The following SRRM4 variants were observed in gnomAD, a reference collection of about 807,000 sequenced individuals.
The protein encoded by SRRM4 is serine/arginine repetitive matrix 4.
In SRRM4, 33 loss-of-function variants were observed where a neutral mutation model predicts 68.9. The observed-to-expected ratio is 0.48, with a 90% CI of 0.36 to 0.64. SRRM4 has a LOEUF of 0.64. Ranked by LOEUF, SRRM4 falls within the 30% of genes least tolerant of loss-of-function variation. The pLI is 0.00. For synonymous variants in SRRM4, 318 were observed against 318.8 expected, an observed-to-expected ratio of 1.00 and a Z score of 0.03; for missense variants, 817 against 827.1, an observed-to-expected ratio of 0.99 and a Z score of 0.15.
In SRRM4 at chr12:119,003,768, C is replaced by T. The variant is rs139811258; in HGVS notation, c.131+21755C>T. ...ATGTATCTCCTCCACCTTCATATCT[C>T]AGTGAATGCTTTAGACCTCTTATCT... On this transcript the variant is annotated intron_variant, in intron 1 of 12. Coordinates refer to ENST00000267260, the MANE Select transcript of SRRM4 (RefSeq NM_194286.4). Among the ~76,000 whole-genome samples the T allele has an allele frequency of 4.1e-3, 617 of 152,124 alleles. 5 individuals carry two copies. Among genetic ancestry groups the T allele is most frequent in the African/African-American group, 0.014 (580 of 41,570 alleles).
chr12:119,125,920 CAAAACAAAAACA>C (rs574797846), intron 7 of SRRM4, among the ~76,000 whole-genome samples: 5 of 146,544 alleles, frequency 3.4e-5, no homozygotes, highest in African/African-American at 7.6e-5. Context: ...GACTCCATCT[CAAAACAAAAACA>C]AAAACAAAAA....
rs1412539558 is a variant in SRRM4 at position 118,981,603 on chromosome 12, C to A, written c.-280C>A. The A allele has an allele frequency of 1.3e-5, 5 of 381,942 alleles. No individual in the cohort carries two copies. The highest frequency in any genetic ancestry group is 4.3e-5 in the Admixed American group (1 of 23,464). The allele number at this position is 381,942 out of a possible 1,614,324, so 23.7% of individuals were successfully genotyped here. On this transcript the variant is annotated 5_prime_UTR_variant, in exon 1 of 13. Coordinates refer to ENST00000267260, the MANE Select transcript of SRRM4 (RefSeq NM_194286.4). ...TCCTGGTGCTGCCCAGAAAGCCAGC[C>A]CTCCCTTCCCTTCTTGGGGCGCAGA... is the stretch of plus-strand genomic sequence containing the variant.
intron 1 of SRRM4, among the ~76,000 whole-genome samples, chr12:119,030,153 A>G (rs967190626): frequency 3.3e-5 from 5 of 152,334 alleles, no homozygotes; most frequent in East Asian, 3.9e-4. Context: ...TTCTTTCAGC[A>G]CACATGTTTT....
Position 118,981,602 on chromosome 12 carries a change from C to A in SRRM4, c.-281C>A. On this transcript the variant is annotated 5_prime_UTR_variant, in exon 1 of 13. Transcript: ENST00000267260. ...CTCCTGGTGCTGCCCAGAAAGCCAG[C>A]CCTCCCTTCCCTTCTTGGGGCGCAG... 1 of 377,838 alleles carries A rather than the reference C, an allele frequency of 2.6e-6. No individual in the cohort carries two copies. Among genetic ancestry groups the A allele is most frequent in the South Asian group, 5.4e-5 (1 of 18,404 alleles). The allele number at this position is 377,838 out of a possible 1,614,324, so 23.4% of individuals were successfully genotyped here. A position where few individuals can be genotyped will look rare whatever the true frequency, so the allele number is the denominator to read the frequency against.
chr12:119,103,162 A>T (rs1317042714), intron 2 of SRRM4, among the ~76,000 whole-genome samples: 4 of 152,192 alleles, frequency 2.6e-5, no homozygotes, highest in African/African-American at 9.7e-5. Flanking sequence ...GGCCTCTGGG[A>T]AATCTATTTC....
chr12:119,020,278 T>A (rs1407804457), intron 1 of SRRM4, among the ~76,000 whole-genome samples: 1 of 152,052 alleles, frequency 6.6e-6, no homozygotes, highest in Non-Finnish European at 1.5e-5. Flanking sequence ...GCAAAGTGTG[T>A]TATTTGTCCT....
chr12:119,135,660 T>C (rs1362087373), intron 8 of SRRM4, among the ~76,000 whole-genome samples: 1 of 152,132 alleles, frequency 6.6e-6, no homozygotes, highest in Non-Finnish European at 1.5e-5. Flanking sequence ...AGGCCAATTC[T>C]TTACATGTAT....
At chr12:119,143,630 C>T (rs1047977860) in intron 8 of SRRM4, among the ~76,000 whole-genome samples, 2 of 152,114 alleles carry the variant, frequency 1.3e-5, no homozygotes, top group Non-Finnish European at 2.9e-5. Flanking sequence ...GGGGCTTACA[C>T]ACATGCATAT....
intron 1 of SRRM4, among the ~76,000 whole-genome samples, chr12:119,060,071 G>A (rs985605587): frequency 6.6e-6 from 1 of 152,070 alleles, no homozygotes; most frequent in Non-Finnish European, 1.5e-5. Context: ...CCCTGACTTT[G>A]TGTAGATTTA....
Position 119,026,765 on chromosome 12 carries a change from G to T in SRRM4, c.131+44752G>T, listed in dbSNP as rs114387638. 4.0e-3 allele frequency among the ~76,000 whole-genome samples: 602 copies of T among 152,062 alleles called. 5 individuals carry two copies. The highest frequency in any genetic ancestry group is 0.014 in the African/African-American group (585 of 41,468). On this transcript the variant is annotated intron_variant, in intron 1 of 12. Coordinates refer to ENST00000267260, the MANE Select transcript of SRRM4 (RefSeq NM_194286.4). ...GGTTTCAACAGAGGTTAGCCAGGCT[G>T]ACCTCAAGTGATCCACCCACCTCAG...
At chr12:119,025,099 C>G (rs1953539452) in intron 1 of SRRM4, among the ~76,000 whole-genome samples, 1 of 151,948 alleles carries the variant, frequency 6.6e-6, no homozygotes, top group Non-Finnish European at 1.5e-5. Context: ...GACACGTAAC[C>G]CTGGTGGGTG....
chr12:119,095,754 T>C (rs904107113), intron 1 of SRRM4, among the ~76,000 whole-genome samples: 3 of 152,018 alleles, frequency 2.0e-5, no homozygotes, highest in African/African-American at 7.2e-5. Flanking sequence ...ATTCCCCCTG[T>C]ACCTCCACTT....
chr12:118,995,030 T>C (rs908480459), intron 1 of SRRM4, among the ~76,000 whole-genome samples: 2 of 152,202 alleles, frequency 1.3e-5, no homozygotes, highest in Non-Finnish European at 2.9e-5. Flanking sequence ...TCCTTACCCC[T>C]AGAGTTCACT....
At chr12:119,140,157 C>G (rs1954355822) in intron 8 of SRRM4, among the ~76,000 whole-genome samples, 2 of 152,154 alleles carry the variant, frequency 1.3e-5, no homozygotes, top group South Asian at 4.1e-4. Flanking sequence ...AACAGATCAC[C>G]TGAGATCAGG....
chr12:119,053,584 T>C (rs1282202007), intron 1 of SRRM4, among the ~76,000 whole-genome samples: 1 of 152,202 alleles, frequency 6.6e-6, no homozygotes, highest in East Asian at 1.9e-4. Context: ...TATCACATAG[T>C]CAATGTGAAA....
chr12:119,052,365 A>T (rs903269526), intron 1 of SRRM4, among the ~76,000 whole-genome samples: 2 of 152,178 alleles, frequency 1.3e-5, no homozygotes, highest in African/African-American at 4.8e-5. Context: ...GTGTGTGGAT[A>T]TGTCAACATC....
rs556600280 is a variant in SRRM4, at chr12:118,982,071, C to T, written c.131+58C>T. The T allele has an allele frequency of 9.2e-4, 1,431 of 1,548,468 alleles. 25 individuals carry two copies. The South Asian group carries it at 0.016, about 18-fold the overall frequency. ...GAAGGTCCTCCTTTCTGGCCTGTGC[C>T]CCAGAGCCCGGAGGGGTGGATGCAG... On this transcript the variant is annotated intron_variant, in intron 1 of 12. Transcript: ENST00000267260.
At chr12:119,008,069 T>TA (rs1323680374) in intron 1 of SRRM4, among the ~76,000 whole-genome samples, 2 of 152,208 alleles carry the variant, frequency 1.3e-5, no homozygotes, top group African/African-American at 4.8e-5. Flanking sequence ...GCGGTGAGGC[T>TA]AATACCCTTC....
At chr12:119,156,377 T>C (rs1954471145) in intron 12 of SRRM4, 118 bp from the exon 13 acceptor site, 2 of 1,434,496 alleles carry the variant, frequency 1.4e-6, no homozygotes, top group East Asian at 5.0e-5. Flanking sequence ...AGGGAGTATT[T>C]TTTCCTAAGG....
Sources: allele counts gnomAD v4.1 joint callset (sites outside exome capture counted in the v4.1 genomes callset), GRCh38; gene constraint gnomAD v4.1.1; transcripts MANE v1.5; gene names NCBI Gene and HGNC (gene_info 2026-07-23, HGNC 2026-07-21).